Variants in PCGF5 observed in about 807,000 individuals in gnomAD.
The protein encoded by PCGF5 is polycomb group RING finger protein 5.
PCGF5 carries 9 observed loss-of-function variants against 44.3 expected under a neutral mutation model. That is an observed-to-expected ratio of 0.20 (90% CI 0.12 to 0.35). The LOEUF (loss-of-function observed/expected upper bound fraction) is 0.35, where lower values mean the gene tolerates loss of function less well. PCGF5 is among the 10% of genes least tolerant of loss of function. PCGF5 has a pLI of 1.00. For synonymous variants in PCGF5, 95 were observed against 102.5 expected (o/e 0.93, Z 0.44); for missense variants, 146 against 305.3 (o/e 0.48, Z 3.89).
chr10:91,263,702 G>A (rs1341368269), intron 7 of PCGF5, among the ~76,000 whole-genome samples: 1 of 152,114 alleles, frequency 6.6e-6, no homozygotes, highest in African/African-American at 2.4e-5. Context: ...GGGGTTGTTC[G>A]GTTCTTGCAA....
At position 91,179,482 on chromosome 10, in the gene PCGF5, G is replaced by T. The variant is rs150273943; in HGVS notation, c.-184+16401G>T. Among the ~76,000 whole-genome samples, 851 of 152,196 alleles carry T rather than the reference G, an allele frequency of 5.6e-3. 6 individuals are homozygous for T. The highest frequency in any genetic ancestry group is 0.019 in the African/African-American group (782 of 41,524). On this transcript the variant is annotated intron_variant, in intron 1 of 9. Transcript: ENST00000614189. ...CTAGTACCCATTAGTTGTTTCTCCT[G>T]ATCCTCTCTCTACTTCTACCCTCCA...
intron 1 of PCGF5, among the ~76,000 whole-genome samples, chr10:91,183,487 A>G (rs1050284137): frequency 2.6e-5 from 4 of 151,790 alleles, no homozygotes; most frequent in African/African-American, 7.3e-5. Flanking sequence ...TCTCTTGAAT[A>G]TAGCACATCG....
In PCGF5 at chr10:91,231,125, T is replaced by G. The variant is rs138392233; in HGVS notation, c.112+8142T>G. 1.4e-4 allele frequency among the ~76,000 whole-genome samples: 21 copies of G among 152,324 alleles called. No homozygotes were observed. In the East Asian group the frequency reaches 3.3e-3, roughly 24 times the overall value. On this transcript the variant is annotated intron_variant, in intron 2 of 9. Coordinates refer to ENST00000336126, the MANE Select transcript of PCGF5 (RefSeq NM_032373.5). ...CTTGCTTTAGTTGAAAATGTAAGCT[T>G]CTTTCCCACTTGACTGCAATAGTAA...
intron 6 of PCGF5, among the ~76,000 whole-genome samples, chr10:91,252,638 A>G (rs1845649064): frequency 1.3e-5 from 2 of 151,968 alleles, no homozygotes; most frequent in African/African-American, 4.8e-5. Flanking sequence ...TCCTTACAGT[A>G]TTTTCAGTTG....
chr10:91,250,202 T>C (rs1482588894), intron 5 of PCGF5, among the ~76,000 whole-genome samples: 1 of 152,036 alleles, frequency 6.6e-6, no homozygotes, highest in East Asian at 1.9e-4. Context: ...TCTATGTATA[T>C]TCTCTATAAA....
intron 6 of PCGF5, among the ~76,000 whole-genome samples, chr10:91,259,814 T>G (rs1405804511): frequency 2.6e-5 from 4 of 152,122 alleles, no homozygotes; most frequent in Admixed American, 6.6e-5. Flanking sequence ...TATACAAAAA[T>G]TAAGATGGAT....
chr10:91,247,547 A>G (rs995679931), intron 3 of PCGF5, among the ~76,000 whole-genome samples: 2 of 151,372 alleles, frequency 1.3e-5, no homozygotes, highest in Admixed American at 6.6e-5. Flanking sequence ...GTAGTCTTGT[A>G]GAAGAGTAAT....
chr10:91,163,259 T>TGCGGGCCGGTGGGCGGC (rs1451144371), intron 1 of PCGF5, among the ~76,000 whole-genome samples: 14 of 149,244 alleles, frequency 9.4e-5, no homozygotes, highest in Admixed American at 9.3e-4. Context: ...CTGACCTCGG[T>TGCGGGCCGGTGGGCGGC]GCGGGCCGGT....
rs1846485013 is a variant in PCGF5 at position 91,282,757 on chromosome 10, T to G, written c.*4441T>G. The G allele has an allele frequency of 6.6e-6, 1 of 152,558 alleles. No individual in the cohort carries two copies. Among genetic ancestry groups the G allele is most frequent in the South Asian group, 2.1e-4 (1 of 4,814 alleles). The allele number at this position is 152,558 out of a possible 1,614,324, so 9.5% of individuals were successfully genotyped here. A position where few individuals can be genotyped will look rare whatever the true frequency, so the allele number is the denominator to read the frequency against. On this transcript the variant is annotated 3_prime_UTR_variant, in exon 10 of 10. Transcript: ENST00000336126. Reference sequence around the variant, plus strand: ...ATGCACACTCTATTACATACTCTGGTTTATCATAAGGAATTTTCCAGAAAG... The same window carrying G: ...ATGCACACTCTATTACATACTCTGGGTTATCATAAGGAATTTTCCAGAAAG...
At chr10:91,171,256 A>G (rs535904119) in intron 1 of PCGF5, among the ~76,000 whole-genome samples, 3 of 152,224 alleles carry the variant, frequency 2.0e-5, no homozygotes. Flanking sequence ...AAACAAAAGG[A>G]AATTTTGAGT....
chr10:91,197,773 A>G lies in PCGF5; in HGVS notation c.-183-24916A>G, dbSNP rs55763028. ...ATTTTCAGTACACTTTCATTTTGTT[A>G]TATTAAATTTCAATTATATTTTACC... On this transcript the variant is annotated intron_variant, in intron 1 of 9. Transcript: ENST00000614189. Among the ~76,000 whole-genome samples, 856 of 152,188 alleles carry G rather than the reference A, an allele frequency of 5.6e-3. 11 individuals carry two copies. Among genetic ancestry groups the G allele is most frequent in the African/African-American group, 0.02 (815 of 41,492 alleles).
chr10:91,205,296 C>A (rs535745519), intron 1 of PCGF5, among the ~76,000 whole-genome samples: 3 of 151,816 alleles, frequency 2.0e-5, no homozygotes, highest in African/African-American at 7.2e-5. Flanking sequence ...ACTGGACACA[C>A]ACACACACAC....
chr10:91,203,311 G>T (rs1053107361), intron 1 of PCGF5, among the ~76,000 whole-genome samples: 1 of 152,126 alleles, frequency 6.6e-6, no homozygotes, highest in Non-Finnish European at 1.5e-5. Flanking sequence ...TAAGACACCA[G>T]CCAAGGATCA....
At chr10:91,190,590 A>C (rs1217000318) in intron 1 of PCGF5, among the ~76,000 whole-genome samples, 1 of 152,232 alleles carries the variant, frequency 6.6e-6, no homozygotes, top group East Asian at 1.9e-4. Flanking sequence ...TGGTGGCTCC[A>C]GAAATAGACT....
intron 1 of PCGF5, among the ~76,000 whole-genome samples, chr10:91,203,750 C>T (rs889973792): frequency 7.2e-5 from 11 of 152,008 alleles, no homozygotes; most frequent in African/African-American, 2.4e-4. Flanking sequence ...TTTTTCATTT[C>T]CATTGTAAAT....
chr10:91,254,288 A>G (rs1240501559), intron 6 of PCGF5, among the ~76,000 whole-genome samples: 3 of 151,738 alleles, frequency 2.0e-5, no homozygotes, highest in African/African-American at 4.8e-5. Context: ...AGCTTGTGTT[A>G]TGAATACTTA....
intron 1 of PCGF5, among the ~76,000 whole-genome samples, chr10:91,163,845 G>C (rs1460281312): frequency 6.6e-6 from 1 of 151,516 alleles, no homozygotes. Context: ...GTGGTGGGGT[G>C]GGGGGGCACG....
rs12247892 is a variant in PCGF5 at position 91,178,977 on chromosome 10, T to C, written c.-184+15896T>C. Among the ~76,000 whole-genome samples the C allele has an allele frequency of 2.9e-3, 436 of 152,352 alleles. 1 individual carries two copies. Among genetic ancestry groups the C allele is most frequent in the African/African-American group, 0.01 (425 of 41,578 alleles). On this transcript the variant is annotated intron_variant, in intron 1 of 9. Transcript: ENST00000614189. ...TGGGGGAGCTTTTAGAAAATTCAAA[T>C]GACTCTCCTATCTCAAGATTCTGAC...
intron 1 of PCGF5, among the ~76,000 whole-genome samples, chr10:91,199,403 GGGCCAAGATGGCCA>G (rs1409938217): frequency 6.6e-6 from 1 of 152,198 alleles, no homozygotes; most frequent in Non-Finnish European, 1.5e-5. Context: ...GTCTTGACTT[GGGCCAAGATGGCCA>G]GGCCTTTATA....
Sources: gnomAD v4.1 joint callset for allele counts (sites outside exome capture counted in the v4.1 genomes callset) on GRCh38, gnomAD v4.1.1 for gene constraint, MANE v1.5 for transcripts, NCBI Gene and HGNC (gene_info 2026-07-23, HGNC 2026-07-21) for gene names.